The following MKRN1 variants were observed in gnomAD, a reference collection of about 807,000 sequenced individuals.
MKRN1 encodes E3 ubiquitin-protein ligase makorin-1.
In MKRN1, 9 loss-of-function variants were observed where a neutral mutation model predicts 55.5. The ratio of observed to expected loss-of-function variants is 0.16; its 90% CI spans 0.10 to 0.28. The LOEUF (loss-of-function observed/expected upper bound fraction) is 0.28. Ranked by LOEUF, MKRN1 falls within the 10% of genes least tolerant of loss-of-function variation. MKRN1 has a pLI of 1.00. For synonymous variants in MKRN1, 253 were observed against 235.9 expected (o/e 1.07, Z -0.66); for missense variants, 488 against 626.7 (o/e 0.78, Z 2.36).
intron 1 of MKRN1, among the ~76,000 whole-genome samples, chr7:140,477,812 G>A (rs1419454598): frequency 1.3e-5 from 2 of 152,210 alleles, no homozygotes; most frequent in Admixed American, 6.5e-5. Flanking sequence ...AGCACATATA[G>A]ATCAACTGTA....
At chr7:140,477,916 C>T (rs764769419) in intron 1 of MKRN1, among the ~76,000 whole-genome samples, 1 of 152,152 alleles carries the variant, frequency 6.6e-6, no homozygotes, top group Non-Finnish European at 1.5e-5. Context: ...TTTTACAATC[C>T]ACCGATGAAT....
At chr7:140,460,882 C>A (rs1276872316) in intron 2 of MKRN1, among the ~76,000 whole-genome samples, 1 of 152,218 alleles carries the variant, frequency 6.6e-6, no homozygotes, top group Non-Finnish European at 1.5e-5. Flanking sequence ...CAGGTGTAGG[C>A]ACTATTTAAA....
chr7:140,467,334 T>C (rs1794802987), intron 2 of MKRN1, among the ~76,000 whole-genome samples: 1 of 151,968 alleles, frequency 6.6e-6, no homozygotes, highest in African/African-American at 2.4e-5. Flanking sequence ...TGGAGTACAG[T>C]GGCACAATCA....
At position 140,479,402 on chromosome 7, in the gene MKRN1, C is replaced by T. The variant is rs1005733932; in HGVS notation, c.-58G>A. ...ACTTCCGGGATCACATAGTTCCGGT[C>T]CGGCTGCGGGGAGAGGACGGCGAGG... On this transcript the variant is annotated 5_prime_UTR_variant, in exon 1 of 8. Coordinates refer to ENST00000255977, the MANE Select transcript of MKRN1 (RefSeq NM_013446.4). The T allele has an allele frequency of 2.5e-5, 32 of 1,261,000 alleles. No homozygotes were observed. Among genetic ancestry groups the T allele is most frequent in the Admixed American group, 4.2e-5 (1 of 23,692 alleles). 78.1% of individuals were successfully genotyped at this position (1,261,000 alleles called of 1,614,324 possible). A position where few individuals can be genotyped will look rare whatever the true frequency, so the allele number is the denominator to read the frequency against.
intron 2 of MKRN1, among the ~76,000 whole-genome samples, chr7:140,462,441 T>C (rs1173424214): frequency 6.6e-6 from 1 of 152,250 alleles, no homozygotes; most frequent in African/African-American, 2.4e-5. Flanking sequence ...CTTTGGGTCA[T>C]CTGTGTTATA....
intron 1 of MKRN1, chr7:140,478,511 C>A (rs928780347): frequency 1.3e-5 from 2 of 152,236 alleles, no homozygotes; most frequent in African/African-American, 4.8e-5. Context: ...AAGACGACCC[C>A]GGCCCCCGAA....
intron 1 of MKRN1, chr7:140,473,307 T>G (rs563191919): frequency 1.2e-4 from 53 of 448,076 alleles, no homozygotes; most frequent in African/African-American, 8.3e-4. Context: ...TTCCTTCCAC[T>G]GTGCAGACTC....
At chr7:140,460,766 G>T (rs190665036) in intron 2 of MKRN1, among the ~76,000 whole-genome samples, 239 of 152,274 alleles carry the variant, frequency 1.6e-3, no homozygotes, top group Middle Eastern at 3.4e-3. Flanking sequence ...TAGACTGGGG[G>T]TCACCAAAGT....
intron 1 of MKRN1, chr7:140,478,903 C>T (rs922319016): frequency 3.0e-6 from 1 of 332,230 alleles, no homozygotes; most frequent in Non-Finnish European, 5.3e-6. Context: ...GGTGCAGCCC[C>T]GCGGCTCCGC....
At chr7:140,458,971 A>T (rs1794541747) in intron 4 of MKRN1, 36 bp downstream of exon 4, 1 of 1,595,064 alleles carries the variant, frequency 6.3e-7, no homozygotes, top group Admixed American at 1.7e-5. Context: ...AATGATTCTC[A>T]CATCTAATAA....
In MKRN1 at chr7:140,453,642, C is replaced by A. The variant is rs1407720560; in HGVS notation, c.*875G>T. The A allele has an allele frequency of 6.6e-6, 1 of 152,282 alleles. No homozygotes were observed. The highest frequency in any genetic ancestry group is 1.5e-5 in the Non-Finnish European group (1 of 68,044). The allele number at this position is 152,282 out of a possible 1,614,324, so 9.4% of individuals were successfully genotyped here. A position where few individuals can be genotyped will look rare whatever the true frequency, so the allele number is the denominator to read the frequency against. On this transcript the variant is annotated 3_prime_UTR_variant, in exon 8 of 8. Transcript: ENST00000255977. ...AACCCCATTTCTCTATTTATATAGA[C>A]AGAGCTAGCACTGCTATATTGACAA...
intron 2 of MKRN1, among the ~76,000 whole-genome samples, chr7:140,467,867 T>C (rs1447883365): frequency 6.6e-6 from 1 of 152,044 alleles, no homozygotes; most frequent in Non-Finnish European, 1.5e-5. Flanking sequence ...CTGGGCATGG[T>C]GGCACATGCC....
At chr7:140,473,185 A>C in intron 1 of MKRN1, 2 of 424,186 alleles carry the variant, frequency 4.7e-6, no homozygotes, top group Non-Finnish European at 9.1e-6. Flanking sequence ...ATATAAGTAT[A>C]TGTCTTGTTT....
At chr7:140,476,051 A>G (rs774909572) in intron 1 of MKRN1, among the ~76,000 whole-genome samples, 5 of 152,228 alleles carry the variant, frequency 3.3e-5, no homozygotes, top group Non-Finnish European at 7.3e-5. Context: ...GATTCCGAGC[A>G]ATTAAAAACA....
In MKRN1 at chr7:140,456,463, A is replaced by C. The variant is rs998115883; in HGVS notation, c.986+189T>G. On this transcript the variant is annotated intron_variant, in intron 5 of 7. Transcript: ENST00000255977. ...TGATACACAGGGTTTCCTCATTCAA[A>C]TAAAAGTAGATAGACCAACTAACCT... The C allele has an allele frequency of 2.1e-6, 3 of 1,419,980 alleles. No homozygotes were observed. In the African/African-American group the frequency reaches 4.3e-5, roughly 20 times the overall value. The allele number at this position is 1,419,980 out of a possible 1,614,324, so 88.0% of individuals were successfully genotyped here. A position where few individuals can be genotyped will look rare whatever the true frequency, so the allele number is the denominator to read the frequency against.
At chr7:140,469,368 G>A (rs370307259) in intron 2 of MKRN1, among the ~76,000 whole-genome samples, 42 of 151,582 alleles carry the variant, frequency 2.8e-4, no homozygotes, top group Middle Eastern at 3.5e-3. Context: ...AAGTCTTACC[G>A]AGGGTAGTGG....
intron 2 of MKRN1, among the ~76,000 whole-genome samples, chr7:140,467,832 GC>G (rs1794816022): frequency 6.6e-6 from 1 of 151,586 alleles, no homozygotes; most frequent in Non-Finnish European, 1.5e-5. Context: ...GAGAAACCCC[GC>G]CTCTACTAAA....
rs977616038 is a variant in MKRN1 at position 140,468,179 on chromosome 7, C to CTG, written c.314+3702_314+3703dup. On this transcript the variant is annotated intron_variant, in intron 2 of 7. Transcript: ENST00000255977. ...TATCTCACAGTCTATTCTCATCCCT[C>CTG]TGCTTGGGAGGTTGGATTCTTCACT... Among the ~76,000 whole-genome samples the CTG allele has an allele frequency of 3.3e-5, 5 of 151,974 alleles. No individual in the cohort carries two copies. The South Asian group carries it at 8.3e-4, about 25-fold the overall frequency.
chr7:140,464,660 G>A (rs1352985944), intron 2 of MKRN1, among the ~76,000 whole-genome samples: 1 of 150,818 alleles, frequency 6.6e-6, no homozygotes, highest in African/African-American at 2.4e-5. Flanking sequence ...AGCCAAGATC[G>A]TGCCATTGCA....
Sources: allele counts gnomAD v4.1 joint callset (sites outside exome capture counted in the v4.1 genomes callset), GRCh38; gene constraint gnomAD v4.1.1; transcripts MANE v1.5; gene names NCBI Gene and HGNC (gene_info 2026-07-23, HGNC 2026-07-21).